Variants in PIK3R4 observed in about 807,000 individuals in gnomAD.
PIK3R4 encodes phosphoinositide 3-kinase regulatory subunit 4.
Under a neutral mutation model 136.5 loss-of-function variants are expected in PIK3R4, and 46 were observed. That is an observed-to-expected ratio of 0.34 (90% confidence interval 0.27 to 0.43). The LOEUF is 0.43. PIK3R4 is among the 20% of genes least tolerant of loss of function. PIK3R4 has a pLI of 1.00. For missense variants in PIK3R4, 1,331 were observed against 1,649.5 expected, an observed-to-expected ratio of 0.81 and a Z score of 3.35; for synonymous variants, 557 against 566.7, an observed-to-expected ratio of 0.98 and a Z score of 0.24.
intron 2 of PIK3R4, among the ~76,000 whole-genome samples, chr3:130,738,750 C>T (rs190353257): frequency 6.6e-6 from 1 of 151,018 alleles, no homozygotes; most frequent in East Asian, 1.9e-4. Flanking sequence ...GAGAAGGCTC[C>T]TTCTCCCACT....
Position 130,745,269 on chromosome 3 carries a change from T to A in PIK3R4, c.-46-5A>T. On this transcript the variant is annotated splice_polypyrimidine_tract_variant and splice_region_variant and intron_variant, in intron 1 of 19. Coordinates refer to ENST00000356763, the MANE Select transcript of PIK3R4 (RefSeq NM_014602.3). ...AGTAAGGTTAGGATATAATACCTGT[T>A]TAAAATAAAAACAAATGAAGAAAAA... The A allele has an allele frequency of 6.7e-7, 1 of 1,492,222 alleles. No homozygotes were observed. Among genetic ancestry groups the A allele is most frequent in the Non-Finnish European group, 8.9e-7 (1 of 1,122,276 alleles). The allele number at this position is 1,492,222 out of a possible 1,614,324, so 92.4% of individuals were successfully genotyped here.
intron 7 of PIK3R4, among the ~76,000 whole-genome samples, chr3:130,718,920 C>T (rs1024357227): frequency 6.6e-6 from 1 of 152,120 alleles, no homozygotes; most frequent in African/African-American, 2.4e-5. Flanking sequence ...ACTTGTACCC[C>T]CACAGAAGTT....
At chr3:130,738,160 T>C (rs965460277) in intron 2 of PIK3R4, among the ~76,000 whole-genome samples, 11 of 151,904 alleles carry the variant, frequency 7.2e-5, no homozygotes, top group Non-Finnish European at 1.5e-4. Flanking sequence ...AAAACAGCTA[T>C]TAAAAACACC....
chr3:130,701,499 G>C (rs111428955), intron 13 of PIK3R4, among the ~76,000 whole-genome samples: 3,513 of 149,482 alleles, frequency 0.024, 154 homozygotes, highest in African/African-American at 0.08. Context: ...GCAACAGAGC[G>C]AGACTGTCTC....
Position 130,745,102 on chromosome 3 carries a change from T to C in PIK3R4, c.117A>G (p.Lys39=). The part of the protein sequence containing the change: ...DKSLGSTRFF[K]VARAKHREGL... ...CTTCTCGGTGCTTGGCTCGAGCAAC[T>C]TTAAAAAACCGAGTACTCCCCAGGC... The change falls in exon 2 of 20, where the codon AAA becomes AAG. Residue 39 remains lysine (K), a synonymous_variant. Transcript: ENST00000356763. 1 of 1,613,882 alleles carries C rather than the reference T, an allele frequency of 6.2e-7. No individual in the cohort carries two copies. The highest frequency in any genetic ancestry group is 1.1e-5 in the South Asian group (1 of 91,070).
intron 15 of PIK3R4, among the ~76,000 whole-genome samples, chr3:130,685,886 T>C (rs2066487130): frequency 6.6e-6 from 1 of 152,172 alleles, no homozygotes; most frequent in African/African-American, 2.4e-5. Context: ...TGGATGCTAT[T>C]TTCCTTAAGT....
intron 13 of PIK3R4, among the ~76,000 whole-genome samples, chr3:130,697,318 C>T (rs1045327091): frequency 7.2e-5 from 11 of 152,062 alleles, no homozygotes; most frequent in Admixed American, 2.0e-4. Flanking sequence ...GGTGATCCAC[C>T]GCCTCAGCCT....
rs1321884824 is a variant in PIK3R4 at position 130,708,393 on chromosome 3, G to A, written c.2431C>T (p.His811Tyr). ...KANIVDQSHL[H>Y]DSSQKGVIDL... ...ATTACACCTTTCTGACTACTATCAT[G>A]AAGATGGCTCTGGTCCACTATATTG... The change falls in exon 10 of 20, where the codon CAT becomes TAT. Residue 811 changes from histidine to tyrosine, a missense_variant. His to Tyr is a moderately conservative substitution (Grantham distance 83). This residue lies in a region of PIK3R4 where 1,180 missense variants were observed against 1,407.0 expected (regional missense o/e 0.84). Coordinates refer to ENST00000356763, the MANE Select transcript of PIK3R4 (RefSeq NM_014602.3). 6.2e-7 allele frequency: 1 copy of A among 1,613,562 alleles called. No individual in the cohort carries two copies. The highest frequency in any genetic ancestry group is 8.5e-7 in the Non-Finnish European group (1 of 1,179,672).
chr3:130,723,598 A>G lies in PIK3R4; in HGVS notation c.1808-11T>C. On this transcript the variant is annotated splice_polypyrimidine_tract_variant and intron_variant, in intron 6 of 19. Coordinates refer to ENST00000356763, the MANE Select transcript of PIK3R4 (RefSeq NM_014602.3). ...CATAGGCAGCAACACCTGGAAATGAAAAGCAATATTATGTGATTATTCAAT... is the reference window on the plus strand; with the variant it reads ...CATAGGCAGCAACACCTGGAAATGAGAAGCAATATTATGTGATTATTCAAT... 6.2e-7 allele frequency: 1 copy of G among 1,609,458 alleles called. No homozygotes were observed. Among genetic ancestry groups the G allele is most frequent in the Non-Finnish European group, 8.5e-7 (1 of 1,178,324 alleles).
At chr3:130,695,441 A>G (rs1268621574) in intron 13 of PIK3R4, among the ~76,000 whole-genome samples, 1 of 152,174 alleles carries the variant, frequency 6.6e-6, no homozygotes, top group Non-Finnish European at 1.5e-5. Flanking sequence ...AGAATAAACA[A>G]TTCATAAGTT....
chr3:130,681,897 G>C (rs2066460885), intron 16 of PIK3R4, among the ~76,000 whole-genome samples: 1 of 152,168 alleles, frequency 6.6e-6, no homozygotes, highest in African/African-American at 2.4e-5. Flanking sequence ...CCCTTCTGAA[G>C]CAGGAGTGTG....
intron 13 of PIK3R4, among the ~76,000 whole-genome samples, chr3:130,703,477 A>T (rs915696209): frequency 4.0e-4 from 61 of 152,134 alleles, no homozygotes; most frequent in Non-Finnish European, 8.2e-4. Flanking sequence ...TGCATTTCCT[A>T]GCTTCCTTTC....
rs139752176 is a variant in PIK3R4, at chr3:130,736,632, T to C, written c.734-630A>G. 3.8e-3 allele frequency among the ~76,000 whole-genome samples: 575 copies of C among 152,254 alleles called. 11 individuals carry two copies. Among genetic ancestry groups the C allele is most frequent in the Non-Finnish European group, 4.2e-3 (283 of 68,014 alleles). On this transcript the variant is annotated intron_variant, in intron 2 of 19. Coordinates refer to ENST00000356763, the MANE Select transcript of PIK3R4 (RefSeq NM_014602.3). ...AAAATGAATGTATATATGTAATATA[T>C]ACAATTTACATAGAGTGATAAAACA...
chr3:130,702,028 T>C (rs2066577456), intron 13 of PIK3R4, among the ~76,000 whole-genome samples: 1 of 151,898 alleles, frequency 6.6e-6, no homozygotes, highest in Admixed American at 6.6e-5. Flanking sequence ...GTAGTCCTAG[T>C]TACCTGAGAG....
chr3:130,712,738 C>T (rs1332481916), intron 9 of PIK3R4, among the ~76,000 whole-genome samples: 3 of 151,970 alleles, frequency 2.0e-5, no homozygotes, highest in Non-Finnish European at 4.4e-5. Flanking sequence ...ATCCAAGTCT[C>T]TACTAGTAAT....
chr3:130,688,249 G>A (rs1365097096), intron 14 of PIK3R4, among the ~76,000 whole-genome samples: 3 of 152,156 alleles, frequency 2.0e-5, no homozygotes, highest in Non-Finnish European at 1.5e-5. Context: ...TATAAACGAA[G>A]GGTAAAGTTT....
intron 5 of PIK3R4, among the ~76,000 whole-genome samples, 180 bp from the exon 6 acceptor site, chr3:130,728,864 G>C (rs1387394265): frequency 6.6e-6 from 1 of 151,868 alleles, no homozygotes; most frequent in Non-Finnish European, 1.5e-5. Flanking sequence ...TGAAGGATGG[G>C]AAACTGAAAT....
rs142070299 is a variant in PIK3R4, at chr3:130,706,959, T to G, written c.2710A>C (p.Thr904Pro). 1.8e-5 allele frequency: 29 copies of G among 1,608,440 alleles called. No homozygotes were observed. The African/African-American group carries it at 2.8e-4, about 16-fold the overall frequency. ...GGGTGACACAGTACCTGTGAAGAAG[T>G]TGACAAAGGGACACAAATGCCAGCA... ...SSAGICVPLS[T>P]SSQVPEVTTV... is the part of the protein sequence containing the mutation. The change falls in exon 11 of 20, where the codon ACT becomes CCT. Residue 904 changes from threonine to proline, a missense_variant. Physicochemically the swap from Thr to Pro is conservative, Grantham distance 38. This residue lies in a region of PIK3R4 where 1,180 missense variants were observed against 1,407.0 expected (regional missense o/e 0.84). Coordinates refer to ENST00000356763, the MANE Select transcript of PIK3R4 (RefSeq NM_014602.3).
intron 9 of PIK3R4, among the ~76,000 whole-genome samples, chr3:130,713,566 G>A (rs929666193): frequency 6.6e-6 from 1 of 152,214 alleles, no homozygotes; most frequent in African/African-American, 2.4e-5. Context: ...ACCCATGGCA[G>A]TGTCAAAACC....
Sources: allele counts gnomAD v4.1 joint callset (sites outside exome capture counted in the v4.1 genomes callset), GRCh38; gene constraint gnomAD v4.1.1; regional missense constraint gnomAD v4.1.1; transcripts MANE v1.5; gene names NCBI Gene and HGNC (gene_info 2026-07-23, HGNC 2026-07-21).